The following MAPK10 variants were observed in gnomAD, a reference collection of about 807,000 sequenced individuals.
The protein encoded by MAPK10 is mitogen-activated protein kinase 10, also known as JNK3 alpha protein kinase.
MAPK10 carries 25 observed loss-of-function variants against 59.3 expected under a neutral mutation model. That is an observed-to-expected ratio of 0.42 (90% confidence interval 0.31 to 0.59). The LOEUF (loss-of-function observed/expected upper bound fraction) is 0.59. MAPK10 is among the 20% of genes least tolerant of loss of function. The pLI, the probability that MAPK10 is intolerant of heterozygous loss-of-function variation, is 0.15. For synonymous variants in MAPK10, 190 were observed against 200.5 expected (o/e 0.95, Z 0.44); for missense variants, 351 against 568.9 (o/e 0.62, Z 3.90).
intron 1 of MAPK10, among the ~76,000 whole-genome samples, chr4:86,385,466 C>T (rs1025677081): frequency 1.3e-5 from 2 of 152,158 alleles, no homozygotes; most frequent in African/African-American, 4.8e-5. Context: ...TCTCTCATCT[C>T]ACTGCTTTGC....
At chr4:86,305,007 A>T (rs2095541204) in intron 2 of MAPK10, among the ~76,000 whole-genome samples, 1 of 152,214 alleles carries the variant, frequency 6.6e-6, no homozygotes, top group South Asian at 2.1e-4. Flanking sequence ...ATAATGTGTC[A>T]TCACTTACAC....
chr4:86,138,985 G>GAGTCAGAA (rs748250296), intron 4 of MAPK10, among the ~76,000 whole-genome samples: 41 of 107,442 alleles, frequency 3.8e-4, no homozygotes, highest in South Asian at 1.3e-3. Flanking sequence ...GGGATGTGAA[G>GAGTCAGAA]GACCTCTTCA....
At position 86,057,938 on chromosome 4, in the gene MAPK10, C is replaced by T. The variant is rs113984607; in HGVS notation, c.1110+6328G>A. On this transcript the variant is annotated intron_variant, in intron 11 of 13. Transcript: ENST00000641462. ...TGGCTGAATCCTTTCACTCCCCTTA[C>T]GTACATGTGGTCCAACATTGTCTCA... Among the ~76,000 whole-genome samples the T allele has an allele frequency of 6.7e-5, 10 of 149,728 alleles. 2 individuals carry two copies. Among genetic ancestry groups the T allele is most frequent in the African/African-American group, 1.3e-4 (5 of 39,954 alleles).
intron 1 of MAPK10, among the ~76,000 whole-genome samples, chr4:86,396,302 G>A (rs1442436326): frequency 1.3e-5 from 2 of 152,108 alleles, no homozygotes; most frequent in Non-Finnish European, 2.9e-5. Context: ...AGCCGAGATC[G>A]TGCCACTGCA....
intron 1 of MAPK10, among the ~76,000 whole-genome samples, chr4:86,465,197 T>G (rs1473398117): frequency 6.6e-6 from 1 of 152,234 alleles, no homozygotes; most frequent in Non-Finnish European, 1.5e-5. Context: ...TTTCTCACTT[T>G]GTCTGGACTA....
intron 1 of MAPK10, among the ~76,000 whole-genome samples, chr4:86,394,306 A>G (rs1207944391): frequency 1.3e-5 from 2 of 152,074 alleles, no homozygotes; most frequent in Non-Finnish European, 2.9e-5. Flanking sequence ...AAGAATTGAT[A>G]ATACTCAAAC....
intron 3 of MAPK10, among the ~76,000 whole-genome samples, chr4:86,186,649 C>A (rs887418303): frequency 2.0e-5 from 3 of 152,054 alleles, no homozygotes; most frequent in African/African-American, 4.8e-5. Flanking sequence ...AGAGAAGGTG[C>A]AATGATAATC....
chr4:86,098,467 GT>G (rs2054648131), intron 9 of MAPK10, 56 bp downstream of exon 9: 1 of 1,608,996 alleles, frequency 6.2e-7, no homozygotes. Context: ...ATCATTATGT[GT>G]TTAAAAGGGA....
chr4:86,459,840 C>A (rs1287827482), intron 1 of MAPK10, among the ~76,000 whole-genome samples: 1 of 151,698 alleles, frequency 6.6e-6, no homozygotes, highest in Admixed American at 6.6e-5. Context: ...GATGGGTGCA[C>A]CAAAATCTCA....
At chr4:86,164,556 T>C (rs2070970056) in intron 3 of MAPK10, 1 of 152,166 alleles carries the variant, frequency 6.6e-6, no homozygotes, top group Non-Finnish European at 1.5e-5. Flanking sequence ...TGTTTCTTTA[T>C]ATAATAAACC....
chr4:86,241,689 G>A (rs1295569746), intron 2 of MAPK10, among the ~76,000 whole-genome samples: 1 of 152,044 alleles, frequency 6.6e-6, no homozygotes, highest in African/African-American at 2.4e-5. Flanking sequence ...GGTTGTTTAT[G>A]TTCCCCTCTA....
At chr4:86,140,897 G>T (rs1395241976) in intron 4 of MAPK10, among the ~76,000 whole-genome samples, 2 of 152,036 alleles carry the variant, frequency 1.3e-5, no homozygotes, top group Non-Finnish European at 2.9e-5. Context: ...TTTGCAAAGT[G>T]TCAAAAGCAC....
At chr4:86,428,179 C>T (rs1269161261) in intron 1 of MAPK10, among the ~76,000 whole-genome samples, 2 of 150,046 alleles carry the variant, frequency 1.3e-5, no homozygotes, top group South Asian at 2.1e-4. Context: ...TTTGCTCTGT[C>T]GCCCAGGCTG....
chr4:86,575,757 C>T (rs1280773243), intron 1 of MAPK10, among the ~76,000 whole-genome samples: 1 of 149,978 alleles, frequency 6.7e-6, no homozygotes, highest in Non-Finnish European at 1.5e-5. Flanking sequence ...TGAGTTACTA[C>T]ATCATAACCA....
chr4:86,098,808 C>T, intron 8 of MAPK10: 1 of 472,934 alleles, frequency 2.1e-6, no homozygotes, highest in Non-Finnish European at 3.8e-6. Context: ...GTTTAAAAAC[C>T]CATTACTTTG....
At chr4:86,092,846 T>C (rs1038484172) in intron 9 of MAPK10, among the ~76,000 whole-genome samples, 2 of 152,068 alleles carry the variant, frequency 1.3e-5, no homozygotes, top group Non-Finnish European at 2.9e-5. Context: ...TGTTGGCTTT[T>C]AAAATTCTGA....
chr4:86,528,048 T>C (rs1314343268), intron 1 of MAPK10, among the ~76,000 whole-genome samples: 7 of 152,132 alleles, frequency 4.6e-5, no homozygotes, highest in Non-Finnish European at 8.8e-5. Flanking sequence ...CTATTAGGTA[T>C]TATGCTCACT....
At chr4:86,536,740 T>C (rs1207163267) in intron 1 of MAPK10, among the ~76,000 whole-genome samples, 1 of 152,270 alleles carries the variant, frequency 6.6e-6, no homozygotes, top group Non-Finnish European at 1.5e-5. Flanking sequence ...TAGTAAATGA[T>C]GATTTGATAT....
intron 1 of MAPK10, among the ~76,000 whole-genome samples, chr4:86,472,610 C>T (rs1242415981): frequency 6.6e-6 from 1 of 151,910 alleles, no homozygotes; most frequent in Non-Finnish European, 1.5e-5. Context: ...CACCACTGCA[C>T]TTCAGCCTGT....
Sources: allele counts gnomAD v4.1 joint callset (sites outside exome capture counted in the v4.1 genomes callset), GRCh38; gene constraint gnomAD v4.1.1; transcripts MANE v1.5; gene names NCBI Gene and HGNC (gene_info 2026-07-23, HGNC 2026-07-21).